ACTR3C: variants seen among roughly 807,000 people sequenced by gnomAD.
The protein encoded by ACTR3C is actin related protein 3C, also known as actin-related protein 3C.
In ACTR3C, 18 loss-of-function variants were observed where a neutral mutation model predicts 26.3. The ratio of observed to expected loss-of-function variants is 0.68; its 90% CI spans 0.47 to 1.01. The LOEUF (loss-of-function observed/expected upper bound fraction) is 1.01. Ranked by LOEUF, ACTR3C falls within the 50% of genes least tolerant of loss-of-function variation. ACTR3C has a pLI of 0.00. For synonymous variants in ACTR3C, 55 were observed against 94.5 expected, an observed-to-expected ratio of 0.58 and a Z score of 2.42; for missense variants, 184 against 250.7, an observed-to-expected ratio of 0.73 and a Z score of 1.80.
At chr7:149,938,824 G>A in the ACTR3C span, among the ~76,000 whole-genome samples, 2 of 151,130 alleles carry the variant, frequency 1.3e-5, no homozygotes, top group Non-Finnish European at 2.9e-5. Flanking sequence ...TGGGAGTATG[G>A]GGGAAGGTGA....
At chr7:150,284,877 A>G in intron 5 of ACTR3C, 32 bp from the exon 6 acceptor site, 1 of 1,588,196 alleles carries the variant, frequency 6.3e-7, no homozygotes, top group South Asian at 1.2e-5. Flanking sequence ...AAGAAACATT[A>G]CACATTTCTC....
the ACTR3C span, among the ~76,000 whole-genome samples, chr7:149,969,042 T>C: frequency 6.6e-6 from 1 of 151,986 alleles, no homozygotes; most frequent in East Asian, 1.9e-4. Flanking sequence ...CTCTGTGAGG[T>C]AGAACCAACC....
At chr7:150,232,863 A>C in the ACTR3C span, among the ~76,000 whole-genome samples, 3 of 151,928 alleles carry the variant, frequency 2.0e-5, no homozygotes, top group South Asian at 2.1e-4. Flanking sequence ...TGGTAGCCTG[A>C]GTTTCCAACA....
chr7:150,086,286 T>C, the ACTR3C span, among the ~76,000 whole-genome samples: 1 of 152,254 alleles, frequency 6.6e-6, no homozygotes, highest in African/African-American at 2.4e-5. Flanking sequence ...CCATGCATTA[T>C]TTTGACCAGA....
intron 1 of ACTR3C, 118 bp downstream of exon 1, chr7:150,323,350 TC>T: frequency 3.6e-6 from 1 of 276,370 alleles, no homozygotes; most frequent in South Asian, 2.8e-5. Flanking sequence ...CTGGGCGCGT[TC>T]CGGGAGCTCA....
chr7:150,080,707 A>G, the ACTR3C span, among the ~76,000 whole-genome samples: 2 of 152,320 alleles, frequency 1.3e-5, no homozygotes, highest in African/African-American at 4.8e-5. Context: ...ACTCCACAGG[A>G]AAAGAGTTTC....
chr7:150,053,462 A>C, the ACTR3C span, among the ~76,000 whole-genome samples: 1 of 152,254 alleles, frequency 6.6e-6, no homozygotes, highest in Admixed American at 6.5e-5. Context: ...AAAGAAGAGA[A>C]AGCTTGTGTC....
intron 6 of ACTR3C, among the ~76,000 whole-genome samples, chr7:150,249,628 T>C (rs147154101): frequency 0.045 from 6,773 of 152,060 alleles, 326 homozygotes; most frequent in East Asian, 0.12. Context: ...TAATTTTCTG[T>C]GTTTTTAGTA....
At chr7:150,230,892 TAACTA>T in the ACTR3C span, among the ~76,000 whole-genome samples, 2 of 151,100 alleles carry the variant, frequency 1.3e-5, no homozygotes, top group African/African-American at 2.5e-5. Flanking sequence ...TTGGTTACCT[TAACTA>T]GAGATTTATC....
the ACTR3C span, among the ~76,000 whole-genome samples, chr7:150,029,403 CAA>C: frequency 2.4e-5 from 1 of 41,430 alleles, no homozygotes; most frequent in African/African-American, 9.8e-5. Context: ...TTATCAAAAA[CAA>C]AAAAAAAAAA....
At chr7:150,172,291 A>T in the ACTR3C span, among the ~76,000 whole-genome samples, 1 of 150,520 alleles carries the variant, frequency 6.6e-6, no homozygotes, top group African/African-American at 2.5e-5. Flanking sequence ...ATAGTTCCAC[A>T]TAGCTGGGGA....
the ACTR3C span, among the ~76,000 whole-genome samples, chr7:150,048,510 G>A: frequency 6.6e-6 from 1 of 152,142 alleles, no homozygotes; most frequent in Non-Finnish European, 1.5e-5. Context: ...CCCGGGAGCT[G>A]AGGGTTCTGC....
chr7:149,889,455 G>A, the ACTR3C span, among the ~76,000 whole-genome samples: 1 of 152,190 alleles, frequency 6.6e-6, no homozygotes, highest in South Asian at 2.1e-4. Flanking sequence ...AAAAAATACA[G>A]TTGAAAAATT....
At chr7:150,046,360 C>CG in the ACTR3C span, among the ~76,000 whole-genome samples, 3 of 100,570 alleles carry the variant, frequency 3.0e-5, no homozygotes, top group African/African-American at 1.0e-4. Flanking sequence ...CCCCCCCCCC[C>CG]GACCCAAACA....
the ACTR3C span, among the ~76,000 whole-genome samples, chr7:150,208,061 T>G: frequency 6.6e-6 from 1 of 152,118 alleles, no homozygotes; most frequent in Non-Finnish European, 1.5e-5. Context: ...TTCGAGACAC[T>G]GGATATCAAA....
the ACTR3C span, among the ~76,000 whole-genome samples, chr7:150,114,328 G>C: frequency 3.9e-5 from 6 of 151,990 alleles, no homozygotes; most frequent in African/African-American, 1.5e-4. Context: ...ATTTCTATTT[G>C]CCTAGTCTTT....
At chr7:150,121,250 A>G in the ACTR3C span, among the ~76,000 whole-genome samples, 4 of 152,234 alleles carry the variant, frequency 2.6e-5, no homozygotes, top group Non-Finnish European at 5.9e-5. Flanking sequence ...CAAGAGAAAG[A>G]AATAAAGCAT....
chr7:149,990,332 C>T, the ACTR3C span, among the ~76,000 whole-genome samples: 9 of 137,660 alleles, frequency 6.5e-5, no homozygotes, highest in African/African-American at 2.2e-4. Flanking sequence ...CCCACTGCCT[C>T]TTACCTCCAC....
chr7:150,198,948 G>GCCA, the ACTR3C span, among the ~76,000 whole-genome samples: 1 of 133,454 alleles, frequency 7.5e-6, no homozygotes, highest in Non-Finnish European at 1.5e-5. Flanking sequence ...TCAGCCCCCT[G>GCCA]CCCGGCCAGC....
Sources: allele counts gnomAD v4.1 joint callset (sites outside exome capture counted in the v4.1 genomes callset), GRCh38; gene constraint gnomAD v4.1.1; transcripts MANE v1.5; gene names NCBI Gene and HGNC (gene_info 2026-07-23, HGNC 2026-07-21).